The following DNER variants were observed in gnomAD, a reference collection of about 807,000 sequenced individuals.
DNER encodes delta/notch like EGF repeat containing.
DNER carries 33 observed loss-of-function variants against 78.2 expected under a neutral mutation model. That is an observed-to-expected ratio of 0.42 (90% confidence interval 0.32 to 0.56). The LOEUF (loss-of-function observed/expected upper bound fraction) is 0.56, where lower values mean the gene tolerates loss of function less well. DNER is among the 20% of genes least tolerant of loss of function. DNER has a pLI of 0.11. For synonymous variants in DNER, 417 were observed against 384.8 expected, an observed-to-expected ratio of 1.08 and a Z score of -0.98; for missense variants, 918 against 975.3, an observed-to-expected ratio of 0.94 and a Z score of 0.78.
chr2:229,428,141 G>T (rs1229649709), intron 8 of DNER, among the ~76,000 whole-genome samples: 1 of 151,842 alleles, frequency 6.6e-6, no homozygotes, highest in Non-Finnish European at 1.5e-5. Context: ...AGGCCTGGTG[G>T]TATCTTTCAT....
intron 1 of DNER, among the ~76,000 whole-genome samples, chr2:229,668,812 C>T (rs56133865): frequency 0.032 from 4,791 of 151,426 alleles, 185 homozygotes; most frequent in African/African-American, 0.09. Context: ...GACAGTGTGG[C>T]GATTCCTCAA....
At chr2:229,481,617 T>C (rs1480169612) in intron 6 of DNER, among the ~76,000 whole-genome samples, 1 of 152,236 alleles carries the variant, frequency 6.6e-6, no homozygotes, top group Non-Finnish European at 1.5e-5. Flanking sequence ...GAGTCAAAAC[T>C]AAATGAGTGA....
chr2:229,690,192 A>G (rs208793), intron 1 of DNER, among the ~76,000 whole-genome samples: 128,627 of 152,124 alleles, frequency 0.85, 54,601 homozygotes, highest in East Asian at 0.94. Context: ...GATGTAATAT[A>G]TGTGAGTAGG....
chr2:229,427,131 T>C (rs1693895988), intron 8 of DNER, among the ~76,000 whole-genome samples: 1 of 152,242 alleles, frequency 6.6e-6, no homozygotes, highest in African/African-American at 2.4e-5. Flanking sequence ...TTAAAGTTTT[T>C]GACTGTAAAA....
At chr2:229,446,581 C>T (rs776705287) in intron 8 of DNER, among the ~76,000 whole-genome samples, 1 of 152,174 alleles carries the variant, frequency 6.6e-6, no homozygotes, top group African/African-American at 2.4e-5. Context: ...AAAGAGCCAG[C>T]TCGTGTAAGG....
chr2:229,597,344 C>T (rs538790536), intron 1 of DNER, among the ~76,000 whole-genome samples: 17 of 152,288 alleles, frequency 1.1e-4, no homozygotes, highest in East Asian at 5.8e-4. Context: ...AAGGTGCAAT[C>T]ATTAACTTTT....
rs1417994365 is a variant in DNER, at chr2:229,447,503, G to A, written c.1299C>T (p.Pro433=). 2.5e-6 allele frequency: 4 copies of A among 1,614,162 alleles called. No individual in the cohort carries two copies. Among genetic ancestry groups the A allele is most frequent in the African/African-American group, 1.3e-5 (1 of 75,048 alleles). The change falls in exon 8 of 13, where the codon CCC becomes CCT. Residue 433 remains proline, a synonymous_variant. Transcript: ENST00000341772. ...FGSACEEKVD[P]CASSPCQNNG... ...TGTTCTGGCACGGAGACGAGGCGCA[G>A]GGGTCCACCTTTTCTTCACAAGCAG...
intron 11 of DNER, among the ~76,000 whole-genome samples, chr2:229,368,507 T>A (rs917906525): frequency 6.6e-6 from 1 of 152,146 alleles, no homozygotes; most frequent in South Asian, 2.1e-4. Context: ...TGAAAAGATA[T>A]CCACTAAACA....
chr2:229,626,199 G>A (rs775801674), intron 1 of DNER, among the ~76,000 whole-genome samples: 2 of 152,186 alleles, frequency 1.3e-5, no homozygotes, highest in South Asian at 2.1e-4. Flanking sequence ...GATTACAGGC[G>A]TGAGCCACCG....
At chr2:229,615,475 C>T (rs1038301001) in intron 1 of DNER, among the ~76,000 whole-genome samples, 15 of 151,632 alleles carry the variant, frequency 9.9e-5, no homozygotes, top group Non-Finnish European at 2.1e-4. Flanking sequence ...CTTGGGAGGC[C>T]GAGGCGGGTG....
chr2:229,468,253 C>A (rs1694846755), intron 7 of DNER, among the ~76,000 whole-genome samples: 2 of 152,232 alleles, frequency 1.3e-5, no homozygotes, highest in South Asian at 4.1e-4. Context: ...CAAAAGGACC[C>A]CTTTCTTGCC....
chr2:229,357,877 A>T lies in DNER; in HGVS notation c.*663T>A, dbSNP rs1692122673. On this transcript the variant is annotated 3_prime_UTR_variant, in exon 13 of 13. Coordinates refer to ENST00000341772, the MANE Select transcript of DNER (RefSeq NM_139072.4). ...CTTTTTAAAGAAAAATATAGATTCA[A>T]ATCAATCAGAATTTGCCTCGCTAGG... 6.6e-6 allele frequency: 1 copy of T among 152,626 alleles called. No homozygotes were observed. The highest frequency in any genetic ancestry group is 2.4e-5 in the African/African-American group (1 of 41,472). 9.5% of individuals were successfully genotyped at this position (152,626 alleles called of 1,614,324 possible).
intron 4 of DNER, among the ~76,000 whole-genome samples, chr2:229,572,472 A>G (rs565689995): frequency 6.6e-6 from 1 of 152,356 alleles, no homozygotes; most frequent in African/African-American, 2.4e-5. Context: ...GAGAAAGGCC[A>G]GCTTGCTGGG....
Position 229,439,476 on chromosome 2 carries a change from G to A in DNER, c.1486+7840C>T, listed in dbSNP as rs144519766. On this transcript the variant is annotated intron_variant, in intron 8 of 12. Coordinates refer to ENST00000341772, the MANE Select transcript of DNER (RefSeq NM_139072.4). ...AAAGTAATGCTGATAGAGGCCAATGGCACAGCTGTTCGGAGGCAAAGCTGG... is the reference window on the plus strand; with the variant it reads ...AAAGTAATGCTGATAGAGGCCAATGACACAGCTGTTCGGAGGCAAAGCTGG... 4.3e-3 allele frequency among the ~76,000 whole-genome samples: 653 copies of A among 152,278 alleles called. 1 individual carries two copies. The highest frequency in any genetic ancestry group is 0.015 in the African/African-American group (628 of 41,556).
intron 1 of DNER, among the ~76,000 whole-genome samples, chr2:229,615,495 G>C (rs1312303279): frequency 6.6e-6 from 1 of 151,818 alleles, no homozygotes; most frequent in African/African-American, 2.4e-5. Context: ...GGATCACGAG[G>C]TCAGGAGATC....
At chr2:229,708,856 A>C (rs1699867767) in intron 1 of DNER, among the ~76,000 whole-genome samples, 2 of 152,218 alleles carry the variant, frequency 1.3e-5, no homozygotes, top group South Asian at 4.1e-4. Flanking sequence ...CTTTAATAAC[A>C]CCAAGAAAAC....
At chr2:229,526,728 G>A (rs181146173) in intron 5 of DNER, among the ~76,000 whole-genome samples, 46 of 152,284 alleles carry the variant, frequency 3.0e-4, no homozygotes, top group Middle Eastern at 6.8e-3. Context: ...TCTGCTATGC[G>A]GCCTGATTCC....
chr2:229,509,019 A>G (rs1215742291), intron 6 of DNER, among the ~76,000 whole-genome samples: 4 of 152,218 alleles, frequency 2.6e-5, no homozygotes. Flanking sequence ...ACAAAGGAGG[A>G]GCCTATAAGG....
At chr2:229,451,314 GGGTGTGGT>G (rs1253936546) in intron 7 of DNER, among the ~76,000 whole-genome samples, 8 of 152,102 alleles carry the variant, frequency 5.3e-5, no homozygotes, top group Non-Finnish European at 8.8e-5. Context: ...AAAATTAGCC[GGGTGTGGT>G]GGTGCCTGCC....
Sources: gnomAD v4.1 joint callset for allele counts (sites outside exome capture counted in the v4.1 genomes callset) on GRCh38, gnomAD v4.1.1 for gene constraint, MANE v1.5 for transcripts, NCBI Gene and HGNC (gene_info 2026-07-23, HGNC 2026-07-21) for gene names.